Variants in HEATR5A observed in about 807,000 individuals in gnomAD.
HEATR5A encodes HEAT repeat containing 5A.
In HEATR5A, 178 loss-of-function variants were observed where a neutral mutation model predicts 218.8. The ratio of observed to expected loss-of-function variants is 0.81; its 90% CI spans 0.72 to 0.92. HEATR5A has a LOEUF of 0.92. Ranked by LOEUF, HEATR5A falls within the 40% of genes least tolerant of loss-of-function variation. The pLI is 0.00. For synonymous variants in HEATR5A, 864 were observed against 871.6 expected, an observed-to-expected ratio of 0.99 and a Z score of 0.15; for missense variants, 2,420 against 2,418.9, an observed-to-expected ratio of 1.00 and a Z score of -0.01.
Position 31,309,127 on chromosome 14 carries a change from G to A in HEATR5A, c.4497C>T (p.Asn1499=). The A allele has an allele frequency of 6.2e-7, 1 of 1,613,918 alleles. No homozygotes were observed. ...TAGCATGGAGGATAAGTGCCCAGGA[G>A]TTGTAATAATGCAATTTTGCATTTT... The part of the protein sequence containing the change: ...TSENAKLHYY[N]SWALILHATA... Residue 1499 remains asparagine, a synonymous_variant, in exon 29 of 36, where the codon AAC becomes AAT. Coordinates refer to ENST00000543095, the MANE Select transcript of HEATR5A (RefSeq NM_015473.4).
intron 22 of HEATR5A, among the ~76,000 whole-genome samples, chr14:31,332,110 T>C (rs571440641): frequency 6.6e-6 from 1 of 152,310 alleles, no homozygotes; most frequent in Admixed American, 6.5e-5. Flanking sequence ...AAAATAAGTG[T>C]CATAAAGACA....
intron 22 of HEATR5A, 129 bp downstream of exon 22, chr14:31,337,347 A>G (rs182244852): frequency 4.1e-6 from 3 of 738,658 alleles, no homozygotes; most frequent in African/African-American, 3.5e-5. Context: ...AATAACTGTT[A>G]GCAATTCTTT....
At chr14:31,334,604 T>C (rs1900587206) in intron 22 of HEATR5A, 1 of 345,280 alleles carries the variant, frequency 2.9e-6, no homozygotes, top group South Asian at 2.2e-5. Flanking sequence ...GAGTAATCTT[T>C]CATGAAAGGA....
chr14:31,403,173 C>A (rs1370961427), intron 1 of HEATR5A, 124 bp from the exon 2 acceptor site: 1 of 497,372 alleles, frequency 2.0e-6, no homozygotes, highest in Admixed American at 3.5e-5. Flanking sequence ...TAGGGTGAAT[C>A]TGGGAAAATC....
In HEATR5A at chr14:31,406,977, C is replaced by CAAAAAAA. The variant is rs58202101; in HGVS notation, c.-74-3935_-74-3929dup. 1.5e-3 allele frequency among the ~76,000 whole-genome samples: 108 copies of CAAAAAAA among 74,348 alleles called. 3 individuals are homozygous for CAAAAAAA. The highest frequency in any genetic ancestry group is 1.8e-3 in the Non-Finnish European group (75 of 40,846). The allele number at this position is 74,348 out of a possible 152,430, so 48.8% of individuals were successfully genotyped here. A position where few individuals can be genotyped will look rare whatever the true frequency, so the allele number is the denominator to read the frequency against. On this transcript the variant is annotated intron_variant, in intron 1 of 35. Transcript: ENST00000543095. The stretch of plus-strand genomic sequence containing the variant: ...GTGTGACAAGAGTGAACCTCTGTCT[C>CAAAAAAA]AAAAAAAAAAAAAAAAAAAGCGAGA...
chr14:31,383,870 T>C (rs1014401590), intron 9 of HEATR5A, 99 bp from the exon 10 acceptor site: 19 of 918,752 alleles, frequency 2.1e-5, no homozygotes, highest in Middle Eastern at 5.5e-4. Context: ...ATAAAATATA[T>C]TTTTATCAAA....
At chr14:31,332,031 G>A (rs1900489880) in intron 22 of HEATR5A, among the ~76,000 whole-genome samples, 1 of 152,222 alleles carries the variant, frequency 6.6e-6, no homozygotes, top group South Asian at 2.1e-4. Context: ...GAACTGTCAT[G>A]ATGTCTGGGG....
rs757474308 is a variant in HEATR5A at position 31,308,914 on chromosome 14, G to A, written c.4690+20C>T. 6.3e-6 allele frequency: 10 copies of A among 1,589,626 alleles called. No homozygotes were observed. Among genetic ancestry groups the A allele is most frequent in the South Asian group, 5.6e-5 (5 of 88,784 alleles). ...AAAAAACCCCTAAGGTTGTAAACTT[G>A]TAAAAGTGGTTTAACTGACCTAAAA... On this transcript the variant is annotated intron_variant, in intron 29 of 35. Coordinates refer to ENST00000543095, the MANE Select transcript of HEATR5A (RefSeq NM_015473.4).
At chr14:31,361,854 G>A (rs949969691) in intron 14 of HEATR5A, among the ~76,000 whole-genome samples, 1 of 152,076 alleles carries the variant, frequency 6.6e-6, no homozygotes, top group Non-Finnish European at 1.5e-5. Context: ...CAATTCTTAA[G>A]TACATTCCAC....
chr14:31,402,657 G>A (rs978864916), intron 2 of HEATR5A, among the ~76,000 whole-genome samples, 193 bp downstream of exon 2: 1 of 152,128 alleles, frequency 6.6e-6, no homozygotes, highest in Non-Finnish European at 1.5e-5. Context: ...CTGCTTTTCT[G>A]AATAGCGAAA....
chr14:31,383,035 G>A (rs2030059749), intron 10 of HEATR5A, among the ~76,000 whole-genome samples: 1 of 151,768 alleles, frequency 6.6e-6, no homozygotes, highest in African/African-American at 2.4e-5. Context: ...TATAATCTGG[G>A]CACTAGGGGT....
rs1415328602 is a variant in HEATR5A, at chr14:31,388,872, A to G, written c.906T>C (p.Ser302=). 1.9e-6 allele frequency: 3 copies of G among 1,613,914 alleles called. No homozygotes were observed. The South Asian group carries it at 3.3e-5, about 18-fold the overall frequency. The change falls in exon 7 of 36, where the codon AGT becomes AGC. Residue 302 remains serine (S), a synonymous_variant. Transcript: ENST00000543095. ...GDMLKGTSSV[S]RDVRVGVTQA... ...GAGTAACTCCAACTCGAACATCCCT[A>G]CTGACTGAACTGGTTCCTTTCAGCA...
Position 31,398,681 on chromosome 14 carries a change from TC to T in HEATR5A, c.438del (p.Ser147ValfsTer12), listed in dbSNP as rs930965972. ...DTVGNILKAM[K>X]SAESQGRYEI... ...AACTTGTAATTACTTACCTCTGCAC[TC>T]TTCATAGCTTTAAGAATATTCCCCA... On this transcript the variant is annotated frameshift_variant, in exon 4 of 36. Transcript: ENST00000543095. LOFTEE classifies it high-confidence loss of function. 7 of 1,491,586 alleles carry T rather than the reference TC, an allele frequency of 4.7e-6. No homozygotes were observed. The highest frequency in any genetic ancestry group is 6.3e-6 in the Non-Finnish European group (7 of 1,106,360). 92.4% of individuals were successfully genotyped at this position (1,491,586 alleles called of 1,614,324 possible).
At chr14:31,399,031 T>G (rs2030767512) in intron 3 of HEATR5A, among the ~76,000 whole-genome samples, 1 of 105,806 alleles carries the variant, frequency 9.5e-6, no homozygotes, top group African/African-American at 2.7e-5. Flanking sequence ...TTTACCCCTA[T>G]GTTTTTTCCT....
intron 29 of HEATR5A, 135 bp downstream of exon 29, chr14:31,308,799 T>G: frequency 1.5e-6 from 1 of 649,226 alleles, no homozygotes; most frequent in Non-Finnish European, 2.5e-6. Flanking sequence ...TTATTTTCAG[T>G]TGACAATAAT....
intron 1 of HEATR5A, among the ~76,000 whole-genome samples, chr14:31,407,310 T>A (rs1034766427): frequency 6.6e-6 from 1 of 152,152 alleles, no homozygotes; most frequent in Non-Finnish European, 1.5e-5. Context: ...TTTGTGGATA[T>A]ACGGAACTAG....
chr14:31,359,514 GT>G (rs1901545232), intron 14 of HEATR5A, among the ~76,000 whole-genome samples: 1 of 151,550 alleles, frequency 6.6e-6, no homozygotes, highest in Non-Finnish European at 1.5e-5. Context: ...ATCACTTGAG[GT>G]CAGGAGTTCA....
intron 22 of HEATR5A, among the ~76,000 whole-genome samples, chr14:31,328,299 T>C (rs1356757857): frequency 6.6e-6 from 1 of 152,028 alleles, no homozygotes; most frequent in Non-Finnish European, 1.5e-5. Context: ...AAAAGAGAAA[T>C]TATCTTTTAA....
In HEATR5A at chr14:31,325,956, G is replaced by A. The variant is rs1386363349; in HGVS notation, c.3547+207C>T. ...TCTAAGACAGCCAAAGGGAAAAAGA[G>A]CAGGCTTAAGTATTGGATTTATATT... On this transcript the variant is annotated intron_variant, in intron 23 of 35. Transcript: ENST00000543095. The A allele has an allele frequency of 2.4e-5, 14 of 580,868 alleles. 1 individual carries two copies. The highest frequency in any genetic ancestry group is 3.9e-5 in the Non-Finnish European group (13 of 329,880). 36.0% of individuals were successfully genotyped at this position (580,868 alleles called of 1,614,324 possible). A position where few individuals can be genotyped will look rare whatever the true frequency, so the allele number is the denominator to read the frequency against.
Sources: gnomAD v4.1 joint callset for allele counts (sites outside exome capture counted in the v4.1 genomes callset) on GRCh38, gnomAD v4.1.1 for gene constraint, MANE v1.5 for transcripts, NCBI Gene and HGNC (gene_info 2026-07-23, HGNC 2026-07-21) for gene names.